Variants in FHL3 observed in about 807,000 individuals in gnomAD.
The protein encoded by FHL3 is four and a half LIM domains 3.
Under a neutral mutation model 34.3 loss-of-function variants are expected in FHL3, and 21 were observed. The observed-to-expected ratio is 0.61, with a 90% CI of 0.43 to 0.88. The LOEUF (loss-of-function observed/expected upper bound fraction) is 0.88, where lower values mean the gene tolerates loss of function less well. Ranked by LOEUF, FHL3 falls within the 40% of genes least tolerant of loss-of-function variation. The pLI, the probability that FHL3 is intolerant of heterozygous loss-of-function variation, is 0.00. For missense variants in FHL3, 333 were observed against 373.7 expected (o/e 0.89, Z 0.90); for synonymous variants, 137 against 144.6 (o/e 0.95, Z 0.38).
intron 1 of FHL3, among the ~76,000 whole-genome samples, chr1:38,004,343 G>C (rs1646623219): frequency 1.3e-5 from 2 of 152,114 alleles, no homozygotes; most frequent in African/African-American, 4.8e-5. Context: ...CGAACTTACT[G>C]TCTCAGGGCC....
chr1:38,001,561 C>T (rs1482081873), intron 1 of FHL3, among the ~76,000 whole-genome samples: 2 of 152,250 alleles, frequency 1.3e-5, no homozygotes, highest in African/African-American at 2.4e-5. Context: ...GAGTAAAGGG[C>T]ACCAACAAGG....
chr1:38,003,164 AAAAC>A (rs1646612572), intron 1 of FHL3, among the ~76,000 whole-genome samples: 1 of 152,132 alleles, frequency 6.6e-6, no homozygotes, highest in East Asian at 1.9e-4. Context: ...GTCTCAAAAC[AAAAC>A]AAAACAACAA....
At chr1:38,000,582 A>G (rs1646583720) in intron 1 of FHL3, among the ~76,000 whole-genome samples, 1 of 152,084 alleles carries the variant, frequency 6.6e-6, no homozygotes, top group African/African-American at 2.4e-5. Flanking sequence ...CCAGCCCCCG[A>G]CCAAACCTCA....
At chr1:38,004,525 ATC>A (rs1646624647) in intron 1 of FHL3, among the ~76,000 whole-genome samples, 1 of 151,768 alleles carries the variant, frequency 6.6e-6, no homozygotes. Flanking sequence ...TTCACTCAGC[ATC>A]TCTGTGTCTG....
At chr1:38,003,264 G>A (rs894406872) in intron 1 of FHL3, among the ~76,000 whole-genome samples, 2 of 152,206 alleles carry the variant, frequency 1.3e-5, no homozygotes, top group Non-Finnish European at 2.9e-5. Context: ...ACCATGCCCA[G>A]CTAGGTTTTT....
In FHL3 at chr1:37,997,455, G is replaced by C. The variant is rs1414141088; in HGVS notation, c.793C>G (p.Pro265Ala). Residue 265 changes from proline to alanine, a missense_variant, in exon 6 of 6, where the codon CCG becomes GCG. Coordinates refer to ENST00000373016, the MANE Select transcript of FHL3 (RefSeq NM_004468.5). The surrounding 1 kb of genome is among the most constrained non-coding windows in gnomAD (Gnocchi z 4.3). ...TGGCAGAGCACTTGGTCTCCATCCG[G>C]TACGAAGCCCTGGCCCACCAGGGAG... The part of the protein sequence containing the change: ...STSLVGQGFV[P>A]DGDQVLCQGC... 1 of 1,613,946 alleles carries C rather than the reference G, an allele frequency of 6.2e-7. No homozygotes were observed. Among genetic ancestry groups the C allele is most frequent in the African/African-American group, 1.3e-5 (1 of 74,908 alleles).
At chr1:37,998,739 T>C (rs1335785989) in intron 3 of FHL3, 1 of 552,042 alleles carries the variant, frequency 1.8e-6, no homozygotes, top group Non-Finnish European at 3.3e-6. Flanking sequence ...GTACTAAACA[T>C]GCAGATATTC....
Position 37,999,361 on chromosome 1 carries a change from T to C in FHL3, c.52A>G (p.Lys18Glu). 1.2e-6 allele frequency: 2 copies of C among 1,614,246 alleles called. No homozygotes were observed. Among genetic ancestry groups the C allele is most frequent in the Non-Finnish European group, 1.7e-6 (2 of 1,180,044 alleles). Residue 18 changes from lysine (K) to glutamate (E), a missense_variant, in exon 2 of 6, where the codon AAG becomes GAG. Lys to Glu is a moderately conservative substitution (Grantham distance 56). Transcript: ENST00000373016. ...GGGCCGCTGTCTGTCTGGATGTACT[T>C]GCGTCCATACAGGGACTCGTTGCAT... ...AKCNESLYGR[K>E]YIQTDSGPYC... is the part of the protein sequence containing the mutation.
intron 3 of FHL3, among the ~76,000 whole-genome samples, chr1:37,998,392 A>G (rs1011209488): frequency 2.6e-5 from 4 of 152,140 alleles, no homozygotes; most frequent in African/African-American, 9.7e-5. Context: ...ATTTCAGCAC[A>G]CATCAAGCCT....
rs763831995 is a variant in FHL3 at position 37,999,376 on chromosome 1, A to C, written c.37T>G (p.Ser13Ala). ...ESFDCAKCNESLYGRKYIQTD... is the reference protein window; with the variant it reads ...ESFDCAKCNEALYGRKYIQTD... ...TGGATGTACTTGCGTCCATACAGGG[A>C]CTCGTTGCATTTTGCACAGTCAAAT... The change falls in exon 2 of 6, where the codon TCC (serine) becomes GCC (alanine). Residue 13 changes from serine (S) to alanine (A), a missense_variant. By Grantham distance (99) the Ser-to-Ala change is moderately conservative. Transcript: ENST00000373016. 3 of 1,614,158 alleles carry C rather than the reference A, an allele frequency of 1.9e-6. No homozygotes were observed. The highest frequency in any genetic ancestry group is 2.2e-5 in the South Asian group (2 of 91,074).
In FHL3 at chr1:37,997,414, T is replaced by C; in HGVS notation, c.834A>G (p.Ala278=). Reference sequence around the variant, plus strand: ...GTCCAGGAGCCCTGGCTTAGGGCCCTGCCTGGCTACAGCCCTGGCAGAGCA... The same window carrying C: ...GTCCAGGAGCCCTGGCTTAGGGCCCCGCCTGGCTACAGCCCTGGCAGAGCA... ...DQVLCQGCSQ[A]GP Residue 278 remains alanine, a synonymous_variant, in exon 6 of 6, where the codon GCA becomes GCG. Coordinates refer to ENST00000373016, the MANE Select transcript of FHL3 (RefSeq NM_004468.5). The surrounding 1 kb of genome is among the most constrained non-coding windows in gnomAD (Gnocchi z 4.3). The C allele has an allele frequency of 1.2e-6, 2 of 1,613,854 alleles. No individual in the cohort carries two copies. Among genetic ancestry groups the C allele is most frequent in the Non-Finnish European group, 8.5e-7 (1 of 1,179,868 alleles).
chr1:38,001,717 T>TC (rs1242026931), intron 1 of FHL3, among the ~76,000 whole-genome samples: 3 of 152,128 alleles, frequency 2.0e-5, no homozygotes, highest in African/African-American at 7.2e-5. Context: ...TACAGATGGC[T>TC]CACAACCCTG....
chr1:37,997,748 G>T lies in FHL3; in HGVS notation c.624C>A (p.Tyr208Ter). 8.7e-6 allele frequency: 14 copies of T among 1,614,168 alleles called. No individual in the cohort carries two copies. The highest frequency in any genetic ancestry group is 1.2e-5 in the Non-Finnish European group (14 of 1,180,020). The change falls in exon 5 of 6, where the codon TAC becomes TAA. Residue 208 changes from tyrosine (Y) to a stop codon, truncating the protein, a stop_gained. Transcript: ENST00000373016. LOFTEE classifies it high-confidence loss of function. This position sits in a 1 kb window ranked among gnomAD's most constrained non-coding sequence, Gnocchi z 4.3. ...AGAGTTCTCCAAAACAGGCCACACAGTAGGGATCTTCATCCCGGGAGGTGA... is the reference window on the plus strand; with the variant it reads ...AGAGTTCTCCAAAACAGGCCACACATTAGGGATCTTCATCCCGGGAGGTGA... ...QQFTSRDEDP[Y>*]CVACFGELFA...
In FHL3 at chr1:37,997,784, T is replaced by C. The variant is rs771646402; in HGVS notation, c.588A>G (p.Ala196=). ...CATCCCGGGAGGTGAACTGCTGCCCTGCCAGGGGCGTCTGGCATCCGGTAC... is the reference window on the plus strand; with the variant it reads ...CATCCCGGGAGGTGAACTGCTGCCCCGCCAGGGGCGTCTGGCATCCGGTAC... ...LVCTGCQTPL[A]GQQFTSRDED... is the part of the protein sequence containing the mutation. The change falls in exon 5 of 6, where the codon GCA becomes GCG. Residue 196 remains alanine (A), a synonymous_variant. Coordinates refer to ENST00000373016, the MANE Select transcript of FHL3 (RefSeq NM_004468.5). The surrounding 1 kb of genome is among the most constrained non-coding windows in gnomAD (Gnocchi z 4.3). 1 of 1,614,170 alleles carries C rather than the reference T, an allele frequency of 6.2e-7. No individual in the cohort carries two copies. Among genetic ancestry groups the C allele is most frequent in the Non-Finnish European group, 8.5e-7 (1 of 1,180,010 alleles).
intron 1 of FHL3, among the ~76,000 whole-genome samples, chr1:38,001,141 G>A (rs1048426611): frequency 6.6e-6 from 1 of 152,228 alleles, no homozygotes. Context: ...TGCGCTCCAG[G>A]CCAGGGCATG....
intron 3 of FHL3, 136 bp from the exon 4 acceptor site, chr1:37,998,268 C>A: frequency 1.4e-6 from 1 of 712,830 alleles, no homozygotes. Context: ...CAAGAACCCC[C>A]CCGCCCTATG....
At chr1:38,002,237 T>C (rs951055806) in intron 1 of FHL3, among the ~76,000 whole-genome samples, 3 of 151,948 alleles carry the variant, frequency 2.0e-5, no homozygotes, top group Admixed American at 6.6e-5. Context: ...TAGCTGGGAC[T>C]ACAGGCACCT....
At chr1:38,002,384 C>CA (rs11462226) in intron 1 of FHL3, among the ~76,000 whole-genome samples, 48,040 of 151,636 alleles carry the variant, frequency 0.32, 9,106 homozygotes, top group Non-Finnish European at 0.43. Flanking sequence ...AGGCATGAAC[C>CA]ACCACACCCT....
intron 3 of FHL3, among the ~76,000 whole-genome samples, chr1:37,998,476 TG>T (rs1646558584): frequency 6.6e-6 from 1 of 152,138 alleles, no homozygotes; most frequent in African/African-American, 2.4e-5. Context: ...AGCACTCACA[TG>T]GGACCCCACA....
Sources: allele counts gnomAD v4.1 joint callset (sites outside exome capture counted in the v4.1 genomes callset), GRCh38; gene constraint gnomAD v4.1.1; non-coding constraint Gnocchi (gnomAD v3.1); transcripts MANE v1.5; gene names NCBI Gene and HGNC (gene_info 2026-07-23, HGNC 2026-07-21).